The following FMO1 variants were observed in gnomAD, a reference collection of about 807,000 sequenced individuals.
FMO1 encodes flavin containing dimethylaniline monoxygenase 1, also known as flavin-containing monooxygenase 1.
FMO1 carries 36 observed loss-of-function variants against 45.4 expected under a neutral mutation model. That is an observed-to-expected ratio of 0.79 (90% CI 0.61 to 1.05). The LOEUF (loss-of-function observed/expected upper bound fraction) is 1.05, where lower values mean the gene tolerates loss of function less well. Ranked by LOEUF, FMO1 falls within the 50% of genes least tolerant of loss-of-function variation. FMO1 has a pLI of 0.00. For synonymous variants in FMO1, 228 were observed against 227.2 expected (o/e 1.00, Z -0.03); for missense variants, 615 against 640.3 (o/e 0.96, Z 0.43).
Position 171,254,501 on chromosome 1 carries a change from G to A in FMO1, c.-6-3581G>A, listed in dbSNP as rs576069817. Among the ~76,000 whole-genome samples, 14 of 152,274 alleles carry A rather than the reference G, an allele frequency of 9.2e-5. No individual in the cohort carries two copies. In the East Asian group the frequency reaches 2.7e-3, roughly 29 times the overall value. ...ACAACAGCTATTATAGACCAAGTGT[G>A]TTGTTAGGAGCTACAAGAAAATAAG... On this transcript the variant is annotated intron_variant, in intron 1 of 8. Coordinates refer to ENST00000617670, the MANE Select transcript of FMO1 (RefSeq NM_001282693.2).
chr1:171,276,108 A>G lies in FMO1; in HGVS notation c.484+600A>G, dbSNP rs768299196. On this transcript the variant is annotated intron_variant, in intron 4 of 8. Transcript: ENST00000617670. ...CAAATTTTAACTGGATTTTAACTCA[A>G]TGGAACAGAAAATGAAATGGTTTGG... Among the ~76,000 whole-genome samples the G allele has an allele frequency of 3.9e-5, 6 of 152,196 alleles. 1 individual carries two copies. The South Asian group carries it at 8.3e-4, about 21-fold the overall frequency.
intron 1 of FMO1, 176 bp from the exon 2 acceptor site, chr1:171,257,906 G>A: frequency 1.5e-6 from 1 of 662,208 alleles, no homozygotes; most frequent in South Asian, 1.8e-5. Context: ...CAAGCACAGG[G>A]TTAACCAGTG....
chr1:171,283,386 C>G (rs574489946), intron 8 of FMO1, among the ~76,000 whole-genome samples, 170 bp downstream of exon 8: 18 of 142,986 alleles, frequency 1.3e-4, no homozygotes, highest in African/African-American at 4.1e-4. Flanking sequence ...AAGAAAAATA[C>G]TAGGAGAGCC....
intron 8 of FMO1, among the ~76,000 whole-genome samples, chr1:171,284,091 G>C (rs1313616269): frequency 1.3e-5 from 2 of 151,366 alleles, no homozygotes; most frequent in East Asian, 3.9e-4. Context: ...ATTGTTTTGT[G>C]GTTTGATAAA....
Position 171,282,279 on chromosome 1 carries a change from T to C in FMO1, c.1129T>C (p.Ser377Pro). 1 of 1,613,818 alleles carries C rather than the reference T, an allele frequency of 6.2e-7. No individual in the cohort carries two copies. Among genetic ancestry groups the C allele is most frequent in the Non-Finnish European group, 8.5e-7 (1 of 1,179,824 alleles). ...TATTGGCCTCATCAAACCCTTGGGC[T>C]CCATGATACCTACAGGAGAAACACA... ...AIIGLIKPLG[S>P]MIPTGETQAR... The change falls in exon 7 of 9, where the codon TCC (serine) becomes CCC (proline). Residue 377 changes from serine to proline, a missense_variant. Coordinates refer to ENST00000617670, the MANE Select transcript of FMO1 (RefSeq NM_001282693.2).
chr1:171,267,521 T>A, intron 2 of FMO1, 22 bp from the exon 3 acceptor site: 1 of 1,553,776 alleles, frequency 6.4e-7, no homozygotes, highest in Non-Finnish European at 8.7e-7. Flanking sequence ...TGAATGTTCA[T>A]GTGTGTGCAC....
rs28360414 is a variant in FMO1 at position 171,281,117 on chromosome 1, T to C, written c.827+132T>C. Reference sequence around the variant, plus strand: ...GAACACTTGATACAAATTTGCTTGATAATAACAGCTAACTGTTCTTAAGTA... The same window carrying C: ...GAACACTTGATACAAATTTGCTTGACAATAACAGCTAACTGTTCTTAAGTA... On this transcript the variant is annotated intron_variant, in intron 6 of 8. Transcript: ENST00000617670. 2.1e-3 allele frequency: 1,426 copies of C among 680,976 alleles called. 20 individuals are homozygous for C. Among genetic ancestry groups the C allele is most frequent in the African/African-American group, 0.02 (1,123 of 55,124 alleles). 42.2% of individuals were successfully genotyped at this position (680,976 alleles called of 1,614,324 possible). A position where few individuals can be genotyped will look rare whatever the true frequency, so the allele number is the denominator to read the frequency against.
intron 2 of FMO1, among the ~76,000 whole-genome samples, chr1:171,258,880 A>C (rs1346930583): frequency 2.0e-5 from 3 of 152,192 alleles, no homozygotes; most frequent in Admixed American, 2.0e-4. Context: ...GGGACTATAA[A>C]GCCCACCCTT....
At chr1:171,285,094 C>A (rs1163371657) in intron 8 of FMO1, 108 bp from the exon 9 acceptor site, 2 of 692,520 alleles carry the variant, frequency 2.9e-6, no homozygotes, top group Non-Finnish European at 4.7e-6. Context: ...AATGCAGAAA[C>A]CATCCCAAAT....
chr1:171,261,623 C>T (rs966959992), intron 2 of FMO1, among the ~76,000 whole-genome samples: 7 of 152,154 alleles, frequency 4.6e-5, no homozygotes, highest in African/African-American at 1.4e-4. Flanking sequence ...GTGGCTCATG[C>T]CTGTAATCCC....
intron 2 of FMO1, among the ~76,000 whole-genome samples, chr1:171,263,204 G>C (rs189561110): frequency 6.4e-4 from 97 of 152,214 alleles, no homozygotes; most frequent in Admixed American, 6.2e-3. Flanking sequence ...TGACAGCCTA[G>C]AGGCATTGTT....
At chr1:171,281,528 G>T (rs1661359441) in intron 6 of FMO1, among the ~76,000 whole-genome samples, 1 of 152,132 alleles carries the variant, frequency 6.6e-6, no homozygotes, top group South Asian at 2.1e-4. Context: ...GATTCCAAAG[G>T]TATAGCCAGA....
chr1:171,267,808 G>A (rs1660680772), intron 3 of FMO1, 77 bp downstream of exon 3: 2 of 1,157,762 alleles, frequency 1.7e-6, no homozygotes, highest in South Asian at 2.9e-5. Flanking sequence ...CCTAGCCCTG[G>A]GCTCTGTAGA....
At chr1:171,248,808 A>G (rs2102052435) in intron 1 of FMO1, among the ~76,000 whole-genome samples, 185 bp downstream of exon 1, 1 of 151,728 alleles carries the variant, frequency 6.6e-6, no homozygotes, top group East Asian at 2.0e-4. Context: ...ATGTTTGGAT[A>G]CTTATAATGG....
chr1:171,260,912 C>CAAAAAAAA (rs71561566), intron 2 of FMO1, among the ~76,000 whole-genome samples: 16 of 53,664 alleles, frequency 3.0e-4, no homozygotes, highest in African/African-American at 5.7e-4. Context: ...GGCTCCATCT[C>CAAAAAAAA]AAAAAAAAAA....
At position 171,275,504 on chromosome 1, in the gene FMO1, T is replaced by C. The variant is rs1338874613; in HGVS notation, c.480T>C (p.Phe160=). The C allele has an allele frequency of 1.2e-6, 2 of 1,609,964 alleles. No homozygotes were observed. Among genetic ancestry groups the C allele is most frequent in the Non-Finnish European group, 1.7e-6 (2 of 1,177,654 alleles). The part of the protein sequence containing the change: ...LTNPYLPLDS[F]PGINAFKGQY... ...ATCCTTATTTGCCACTGGATTCCTT[T>C]CCAGGTACAGCATTTTCTGTAACTA... The change falls in exon 4 of 9, where the codon TTT becomes TTC. Residue 160 remains phenylalanine, a synonymous_variant. Coordinates refer to ENST00000617670, the MANE Select transcript of FMO1 (RefSeq NM_001282693.2).
intron 8 of FMO1, 94 bp downstream of exon 8, chr1:171,283,310 G>GA (rs28360426): frequency 0.084 from 28,209 of 335,990 alleles, 5,247 homozygotes; most frequent in African/African-American, 0.55. Context: ...AAATGAAAAA[G>GA]AAAAAAAAAC....
rs191338472 is a variant in FMO1, at chr1:171,249,714, T to A, written c.-7+1091T>A. 9.1e-4 allele frequency among the ~76,000 whole-genome samples: 138 copies of A among 151,710 alleles called. 1 individual carries two copies. Among genetic ancestry groups the A allele is most frequent in the African/African-American group, 3.1e-3 (128 of 41,346 alleles). On this transcript the variant is annotated intron_variant, in intron 1 of 8. Coordinates refer to ENST00000617670, the MANE Select transcript of FMO1 (RefSeq NM_001282693.2). ...GTGTGTGTGTGTGTATGTGTGTGTG[T>A]GAGAGAGAGAGACAGAGGGAGTAGG...
At chr1:171,266,514 A>T (rs1178979289) in intron 2 of FMO1, among the ~76,000 whole-genome samples, 1 of 152,238 alleles carries the variant, frequency 6.6e-6, no homozygotes, top group Non-Finnish European at 1.5e-5. Flanking sequence ...AACTCTTATC[A>T]GTCAATGAGA....
Sources: gnomAD v4.1 joint callset for allele counts (sites outside exome capture counted in the v4.1 genomes callset) on GRCh38, gnomAD v4.1.1 for gene constraint, MANE v1.5 for transcripts, NCBI Gene and HGNC (gene_info 2026-07-23, HGNC 2026-07-21) for gene names.